The following RBFOX1 variants were observed in gnomAD, a reference collection of about 807,000 sequenced individuals.
The protein encoded by RBFOX1 is RNA binding fox-1 homolog 1.
A neutral mutation model predicts 57.7 loss-of-function variants in RBFOX1; 8 were observed. The observed-to-expected ratio is 0.14, with a 90% CI of 0.08 to 0.25. The LOEUF (loss-of-function observed/expected upper bound fraction) is 0.25. Ranked by LOEUF, RBFOX1 falls within the 10% of genes least tolerant of loss-of-function variation. RBFOX1 has a pLI of 1.00. For synonymous variants in RBFOX1, 326 were observed against 222.4 expected, an observed-to-expected ratio of 1.47 and a Z score of -4.15; for missense variants, 611 against 548.5, an observed-to-expected ratio of 1.11 and a Z score of -1.14.
At position 5,398,567 on chromosome 16, in the gene RBFOX1, CG is replaced by C. The variant is rs1567448679; in HGVS notation, c.220-68648del. Among the ~76,000 whole-genome samples the C allele has an allele frequency of 1.8e-3, 269 of 148,888 alleles. 1 individual carries two copies. The highest frequency in any genetic ancestry group is 6.3e-3 in the African/African-American group (257 of 40,812). On this transcript the variant is annotated intron_variant, in intron 1 of 2. Transcript: ENST00000585867. The stretch of plus-strand genomic sequence containing the variant: ...GCACGAGTTCGTGTGTGCATCTGTA[CG>C]TGTGTGTGTGTGTGTGTGTGTTGGG...
At chr16:5,806,868 A>T (rs1195432200) in intron 3 of RBFOX1, among the ~76,000 whole-genome samples, 1 of 152,152 alleles carries the variant, frequency 6.6e-6, no homozygotes, top group African/African-American at 2.4e-5. Context: ...TGGCCCACTG[A>T]TGTTCCCAAA....
At chr16:7,187,036 C>T (rs2084027624) in intron 4 of RBFOX1, among the ~76,000 whole-genome samples, 1 of 143,776 alleles carries the variant, frequency 7.0e-6, no homozygotes, top group African/African-American at 2.7e-5. Flanking sequence ...ATTAGCTGGA[C>T]ATGGTGATGT....
intron 11 of RBFOX1, among the ~76,000 whole-genome samples, chr16:7,637,523 T>C (rs967620832): frequency 6.6e-6 from 1 of 152,194 alleles, no homozygotes; most frequent in Non-Finnish European, 1.5e-5. Context: ...TTTAGGTAAT[T>C]GATAGAACTT....
intron 1 of RBFOX1, among the ~76,000 whole-genome samples, chr16:6,133,846 C>A (rs775504629): frequency 6.6e-5 from 10 of 152,132 alleles, no homozygotes; most frequent in Admixed American, 1.3e-4. Context: ...CACACACACA[C>A]GTTTGCTTAC....
chr16:6,841,074 T>G (rs2093435406), intron 3 of RBFOX1, among the ~76,000 whole-genome samples: 1 of 152,064 alleles, frequency 6.6e-6, no homozygotes, highest in Non-Finnish European at 1.5e-5. Flanking sequence ...TGTTTGTTTG[T>G]TTTTAATTTT....
intron 11 of RBFOX1, among the ~76,000 whole-genome samples, chr16:7,652,041 G>A (rs998014428): frequency 6.6e-6 from 1 of 151,920 alleles, no homozygotes; most frequent in Non-Finnish European, 1.5e-5. Flanking sequence ...CCAGGTAGAG[G>A]AAACAGTGTT....
At chr16:6,420,264 A>G (rs773777519) in intron 2 of RBFOX1, among the ~76,000 whole-genome samples, 2 of 152,200 alleles carry the variant, frequency 1.3e-5, no homozygotes, top group Non-Finnish European at 2.9e-5. Flanking sequence ...CATATATGTT[A>G]AAAATGCACA....
At chr16:7,588,196 A>G (rs2094231909) in intron 7 of RBFOX1, among the ~76,000 whole-genome samples, 1 of 152,172 alleles carries the variant, frequency 6.6e-6, no homozygotes, top group Non-Finnish European at 1.5e-5. Context: ...AAGCAAATAA[A>G]CAAAAGAAAT....
chr16:6,104,113 A>T (rs978063388), intron 1 of RBFOX1, among the ~76,000 whole-genome samples: 1 of 150,662 alleles, frequency 6.6e-6, no homozygotes, highest in Admixed American at 6.7e-5. Flanking sequence ...TAGGGACATC[A>T]TAGGTTTCTC....
Position 5,548,130 on chromosome 16 carries a change from C to A in RBFOX1, c.259-50772C>A, listed in dbSNP as rs549343118. ...GAGCTGAGATTGTGCCACTGCATTC[C>A]AGCCTGGGTGACAGAGCAAGACTCT... On this transcript the variant is annotated intron_variant, in intron 2 of 2. Coordinates refer to the RBFOX1 transcript ENST00000585867. 5.6e-4 allele frequency among the ~76,000 whole-genome samples: 79 copies of A among 140,934 alleles called. 2 individuals are homozygous for A. In the South Asian group the frequency reaches 0.017, roughly 30 times the overall value. 92.5% of individuals were successfully genotyped at this position (140,934 alleles called of 152,430 possible). A position where few individuals can be genotyped will look rare whatever the true frequency, so the allele number is the denominator to read the frequency against.
At chr16:6,504,852 A>C (rs2096048341) in intron 2 of RBFOX1, among the ~76,000 whole-genome samples, 1 of 152,064 alleles carries the variant, frequency 6.6e-6, no homozygotes, top group Non-Finnish European at 1.5e-5. Flanking sequence ...TCAGGAGTTC[A>C]AGACTAGCCT....
chr16:7,106,274 A>T (rs2063568916), intron 4 of RBFOX1, among the ~76,000 whole-genome samples: 1 of 152,172 alleles, frequency 6.6e-6, no homozygotes, highest in Admixed American at 6.6e-5. Flanking sequence ...CACATACGTG[A>T]GTTTCCATCT....
chr16:6,848,297 G>C (rs540928718), intron 3 of RBFOX1, among the ~76,000 whole-genome samples: 1 of 152,212 alleles, frequency 6.6e-6, no homozygotes, highest in East Asian at 1.9e-4. Flanking sequence ...GGTGGGCATA[G>C]TATGGCCAGG....
At chr16:6,507,563 C>T (rs564304367) in intron 2 of RBFOX1, among the ~76,000 whole-genome samples, 33 of 150,026 alleles carry the variant, frequency 2.2e-4, no homozygotes, top group Admixed American at 1.1e-3. Context: ...TTCCAGCTAC[C>T]CCCAGGCTGA....
intron 2 of RBFOX1, among the ~76,000 whole-genome samples, chr16:5,521,510 G>A (rs1479290391): frequency 4.8e-5 from 4 of 83,284 alleles, no homozygotes; most frequent in Non-Finnish European, 1.0e-4. Flanking sequence ...ACCTGTCAAC[G>A]AACCTATCTG....
intron 1 of RBFOX1, among the ~76,000 whole-genome samples, chr16:6,277,242 C>T (rs999028255): frequency 2.6e-5 from 4 of 152,108 alleles, no homozygotes; most frequent in Non-Finnish European, 5.9e-5. Context: ...AGGCAGATAA[C>T]TTCACCCTAG....
At chr16:6,173,162 C>T (rs2096974505) in intron 1 of RBFOX1, among the ~76,000 whole-genome samples, 1 of 152,144 alleles carries the variant, frequency 6.6e-6, no homozygotes, top group Non-Finnish European at 1.5e-5. Context: ...AGTCCCTTTG[C>T]CATGTACGGT....
chr16:6,642,041 G>C (rs1329186949), intron 2 of RBFOX1, among the ~76,000 whole-genome samples: 2 of 152,292 alleles, frequency 1.3e-5, no homozygotes, highest in South Asian at 4.1e-4. Flanking sequence ...GAAAATACTT[G>C]AAACAGTTTG....
At chr16:6,832,569 G>T (rs2092784468) in intron 3 of RBFOX1, among the ~76,000 whole-genome samples, 1 of 152,166 alleles carries the variant, frequency 6.6e-6, no homozygotes, top group African/African-American at 2.4e-5. Flanking sequence ...CAGGGGCTGG[G>T]TGCTTGCAGC....
Sources: allele counts gnomAD v4.1 joint callset (sites outside exome capture counted in the v4.1 genomes callset), GRCh38; gene constraint gnomAD v4.1.1; transcripts MANE v1.5; gene names NCBI Gene and HGNC (gene_info 2026-07-23, HGNC 2026-07-21).